Variants in PAK5 observed in about 807,000 individuals in gnomAD.
PAK5 encodes serine/threonine-protein kinase PAK 5.
Under a neutral mutation model 65.9 loss-of-function variants are expected in PAK5, and 16 were observed. The observed-to-expected ratio is 0.24, with a 90% CI of 0.16 to 0.37. PAK5 has a LOEUF of 0.37. Ranked by LOEUF, PAK5 falls within the 10% of genes least tolerant of loss-of-function variation. The probability of loss-of-function intolerance (pLI) is 1.00; values close to 1 mark genes in which losing one functional copy is unlikely to be tolerated. For synonymous variants in PAK5, 371 were observed against 354.9 expected, an observed-to-expected ratio of 1.05 and a Z score of -0.51; for missense variants, 785 against 903.9, an observed-to-expected ratio of 0.87 and a Z score of 1.69.
chr20:9,683,506 C>T (rs2047677604), intron 2 of PAK5, among the ~76,000 whole-genome samples: 1 of 152,144 alleles, frequency 6.6e-6, no homozygotes, highest in Non-Finnish European at 1.5e-5. Context: ...TTCCTTCTTC[C>T]TCTTCTTTTT....
intron 4 of PAK5, among the ~76,000 whole-genome samples, chr20:9,568,042 C>A (rs572053485): frequency 6.6e-6 from 1 of 152,106 alleles, no homozygotes. Context: ...AGCAGACGCT[C>A]AGCTATAGTG....
intron 2 of PAK5, among the ~76,000 whole-genome samples, chr20:9,655,278 AG>A (rs2123311846): frequency 6.6e-6 from 1 of 152,378 alleles, no homozygotes; most frequent in East Asian, 1.9e-4. Flanking sequence ...AAAAGCTAAA[AG>A]GGAACTACTT....
chr20:9,641,886 C>T (rs543166431), intron 3 of PAK5, among the ~76,000 whole-genome samples: 81 of 152,258 alleles, frequency 5.3e-4, no homozygotes, highest in African/African-American at 1.9e-3. Context: ...GCTCCGAGTG[C>T]GGGGCCCACC....
intron 3 of PAK5, among the ~76,000 whole-genome samples, chr20:9,588,680 G>A (rs761882731): frequency 3.3e-5 from 5 of 152,132 alleles, no homozygotes; most frequent in South Asian, 2.1e-4. Context: ...ATTATTGTCC[G>A]TCTCTGGTGT....
At chr20:9,575,010 T>C (rs1003313834) in intron 4 of PAK5, among the ~76,000 whole-genome samples, 1 of 152,164 alleles carries the variant, frequency 6.6e-6, no homozygotes, top group Admixed American at 6.5e-5. Context: ...AATCTGGGCA[T>C]GACAAGTACC....
intron 1 of PAK5, among the ~76,000 whole-genome samples, chr20:9,773,378 T>C (rs1016297210): frequency 6.6e-6 from 1 of 152,124 alleles, no homozygotes; most frequent in African/African-American, 2.4e-5. Flanking sequence ...CCTAATGCTA[T>C]CCCTCCCCCT....
intron 7 of PAK5, among the ~76,000 whole-genome samples, chr20:9,546,287 T>A (rs2045343371): frequency 6.6e-6 from 1 of 152,228 alleles, no homozygotes; most frequent in South Asian, 2.1e-4. Context: ...CATCTATTCA[T>A]CTAATTTTTG....
At chr20:9,812,382 G>C (rs2049307852) in intron 1 of PAK5, among the ~76,000 whole-genome samples, 1 of 151,972 alleles carries the variant, frequency 6.6e-6, no homozygotes, top group Admixed American at 6.6e-5. Context: ...TAAAAATGAT[G>C]TTCAACATCA....
chr20:9,659,738 G>T (rs1352246479), intron 2 of PAK5, among the ~76,000 whole-genome samples: 1 of 151,970 alleles, frequency 6.6e-6, no homozygotes, highest in Admixed American at 6.6e-5. Context: ...AGTTCTTTAG[G>T]GTTTTGTTTG....
chr20:9,673,170 C>A (rs1401308214), intron 2 of PAK5, among the ~76,000 whole-genome samples: 1 of 151,400 alleles, frequency 6.6e-6, no homozygotes, highest in East Asian at 1.9e-4. Context: ...TACCAGTTGG[C>A]CTTCCTGTTA....
rs200963214 is a variant in PAK5, at chr20:9,544,444, C to T, written c.1794G>A (p.Pro598=). ...GAGTGCCAACCAATGATTTCCTCTT[C>T]GGCACCTCTTTGGAAACTTGAGCAC... is the stretch of plus-strand genomic sequence containing the variant. ...GFCAQVSKEV[P]KRKSLVGTPY... The change falls in exon 8 of 10, where the codon CCG becomes CCA. Residue 598 remains proline (P), a synonymous_variant. Transcript: ENST00000353224. 2.6e-4 allele frequency: 427 copies of T among 1,613,652 alleles called. No homozygotes were observed. Among genetic ancestry groups the T allele is most frequent in the Non-Finnish European group, 3.3e-4 (391 of 1,179,562 alleles).
intron 1 of PAK5, among the ~76,000 whole-genome samples, chr20:9,799,553 G>T (rs1460571420): frequency 6.6e-5 from 10 of 152,052 alleles, no homozygotes; most frequent in African/African-American, 2.4e-4. Context: ...GTCCTGGGAA[G>T]ATTTCTATGG....
chr20:9,698,393 T>C (rs550005744), intron 2 of PAK5, among the ~76,000 whole-genome samples: 2 of 152,294 alleles, frequency 1.3e-5, no homozygotes, highest in Non-Finnish European at 1.5e-5. Flanking sequence ...TGCTTTCTAT[T>C]GTAACTGTAT....
At chr20:9,552,740 GC>G in intron 7 of PAK5, among the ~76,000 whole-genome samples, 1 of 122,914 alleles carries the variant, frequency 8.1e-6, no homozygotes, top group East Asian at 2.4e-4. Context: ...TTTTTTTTTG[GC>G]GACAGGGTCT....
rs538067723 is a variant in PAK5, at chr20:9,639,810, A to C, written c.204+4315T>G. On this transcript the variant is annotated intron_variant, in intron 3 of 9. Coordinates refer to ENST00000353224, the MANE Select transcript of PAK5 (RefSeq NM_177990.4). Reference sequence around the variant, plus strand: ...AGTGGGACTGATTGTCAGAGAGGAAAGGATAACAAGCCAGCCCACCTAGGA... The same window carrying C: ...AGTGGGACTGATTGTCAGAGAGGAACGGATAACAAGCCAGCCCACCTAGGA... 1.3e-3 allele frequency among the ~76,000 whole-genome samples: 199 copies of C among 152,356 alleles called. 1 individual carries two copies. The highest frequency in any genetic ancestry group is 4.6e-3 in the African/African-American group (192 of 41,588).
At chr20:9,642,332 T>C (rs1010106792) in intron 3 of PAK5, among the ~76,000 whole-genome samples, 1 of 152,246 alleles carries the variant, frequency 6.6e-6, no homozygotes, top group African/African-American at 2.4e-5. Context: ...TTCCTGACTT[T>C]TTAATGATCA....
At chr20:9,624,512 A>C (rs958446016) in intron 3 of PAK5, among the ~76,000 whole-genome samples, 15 of 146,064 alleles carry the variant, frequency 1.0e-4, no homozygotes, top group African/African-American at 3.6e-4. Flanking sequence ...GAAATATTAT[A>C]AAGGTAACAG....
chr20:9,646,537 T>C (rs2047137048), intron 2 of PAK5, among the ~76,000 whole-genome samples: 1 of 152,226 alleles, frequency 6.6e-6, no homozygotes, highest in Non-Finnish European at 1.5e-5. Flanking sequence ...CCTTAAACGC[T>C]TGGGCACACC....
chr20:9,627,913 C>T (rs139625954), intron 3 of PAK5, among the ~76,000 whole-genome samples: 1 of 152,318 alleles, frequency 6.6e-6, no homozygotes, highest in East Asian at 1.9e-4. Flanking sequence ...AGGCATGAGC[C>T]ATTGCGCCTG....
Sources: gnomAD v4.1 joint callset for allele counts (sites outside exome capture counted in the v4.1 genomes callset) on GRCh38, gnomAD v4.1.1 for gene constraint, MANE v1.5 for transcripts, NCBI Gene and HGNC (gene_info 2026-07-23, HGNC 2026-07-21) for gene names.